TNFAIP2: variants seen among roughly 807,000 people sequenced by gnomAD.
TNFAIP2 encodes the protein TNF alpha induced protein 2, also known as tumor necrosis factor alpha-induced protein 2.
A neutral mutation model predicts 63.5 loss-of-function variants in TNFAIP2; 47 were observed. The observed-to-expected ratio is 0.74, with a 90% CI of 0.59 to 0.94. The LOEUF (loss-of-function observed/expected upper bound fraction) is 0.94. TNFAIP2 is among the 40% of genes least tolerant of loss of function. The pLI, the probability that TNFAIP2 is intolerant of heterozygous loss-of-function variation, is 0.00. For missense variants in TNFAIP2, 787 were observed against 850.2 expected, an observed-to-expected ratio of 0.93 and a Z score of 0.92; for synonymous variants, 405 against 390.2, an observed-to-expected ratio of 1.04 and a Z score of -0.45.
In TNFAIP2 at chr14:103,135,590, C is replaced by A; in HGVS notation, c.*230C>A. ...GGAGCTCCCATCCTGGGCAGCCAACCAGGCAACACCAAGGACTCTTTGTAA... is the reference window on the plus strand; with the variant it reads ...GGAGCTCCCATCCTGGGCAGCCAACAAGGCAACACCAAGGACTCTTTGTAA... On this transcript the variant is annotated 3_prime_UTR_variant, in exon 12 of 12. Transcript: ENST00000560869. The surrounding 1 kb of genome is among the most constrained non-coding windows in gnomAD (Gnocchi z 7.6). 7.1e-7 allele frequency: 1 copy of A among 1,406,546 alleles called. No homozygotes were observed. 87.1% of individuals were successfully genotyped at this position (1,406,546 alleles called of 1,614,324 possible).
At chr14:103,133,144 A>G (rs1201888972) in intron 9 of TNFAIP2, among the ~76,000 whole-genome samples, 1 of 16,514 alleles carries the variant, frequency 6.1e-5, no homozygotes, top group Admixed American at 4.6e-4. Context: ...GAGCATGTAA[A>G]CACACACATG....
chr14:103,130,326 G>T lies in TNFAIP2; in HGVS notation c.1110G>T (p.Gln370His). 1 of 1,560,836 alleles carries T rather than the reference G, an allele frequency of 6.4e-7. No homozygotes were observed. Residue 370 changes from glutamine to histidine, a missense_variant, in exon 6 of 12, where the codon CAG becomes CAT. Physicochemically the swap from Gln to His is conservative, Grantham distance 24 (BLOSUM62 0). Coordinates refer to ENST00000560869, the MANE Select transcript of TNFAIP2 (RefSeq NM_006291.4). ...LAIDIIQITS[Q>H]AQAKAESITL... ...CCACCACCCTGCAGATCACCTCCCA[G>T]GCCCAGGCCAAGGCCGAGAGCATCA...
chr14:103,127,382 C>A lies in TNFAIP2; in HGVS notation c.613C>A (p.Arg205=). ...AEAAEERMGQ[R]PAAGAEVPES... is the part of the protein sequence containing the mutation. Reference sequence around the variant, plus strand: ...GGCGGCCGAGGAGCGCATGGGCCAGCGGCCGGCCGCGGGCGCCGAGGTCCC... The same window carrying A: ...GGCGGCCGAGGAGCGCATGGGCCAGAGGCCGGCCGCGGGCGCCGAGGTCCC... The change falls in exon 3 of 12, where the codon CGG becomes AGG. Residue 205 remains arginine, a synonymous_variant. Coordinates refer to ENST00000560869, the MANE Select transcript of TNFAIP2 (RefSeq NM_006291.4). This position sits in a 1 kb window ranked among gnomAD's most constrained non-coding sequence, Gnocchi z 5.1. 6.6e-7 allele frequency: 1 copy of A among 1,525,118 alleles called. No homozygotes were observed. Among genetic ancestry groups the A allele is most frequent in the Non-Finnish European group, 8.8e-7 (1 of 1,141,710 alleles). The allele number at this position is 1,525,118 out of a possible 1,614,324, so 94.5% of individuals were successfully genotyped here. A position where few individuals can be genotyped will look rare whatever the true frequency, so the allele number is the denominator to read the frequency against.
chr14:103,123,451 G>A (rs1595271259), upstream of TNFAIP2: 1 of 151,934 alleles, frequency 6.6e-6, no homozygotes, highest in Admixed American at 6.5e-5. Flanking sequence ...TGCGGAACCC[G>A]GGCCAGGACA....
rs947344239 is a variant in TNFAIP2 at position 103,131,636 on chromosome 14, C to T, written c.1299-3C>T. 4 of 1,589,814 alleles carry T rather than the reference C, an allele frequency of 2.5e-6. No homozygotes were observed. Among genetic ancestry groups the T allele is most frequent in the Non-Finnish European group, 3.4e-6 (4 of 1,174,124 alleles). On this transcript the variant is annotated splice_region_variant and splice_polypyrimidine_tract_variant and intron_variant, in intron 7 of 11. Coordinates refer to ENST00000560869, the MANE Select transcript of TNFAIP2 (RefSeq NM_006291.4). This position sits in a 1 kb window ranked among gnomAD's most constrained non-coding sequence, Gnocchi z 4.0. ...GGGTGACCTCTCTGCCTCCACCTTCCAGGATGTCCATGGAGCAGAATTGGC... is the reference window on the plus strand; with the variant it reads ...GGGTGACCTCTCTGCCTCCACCTTCTAGGATGTCCATGGAGCAGAATTGGC...
upstream of TNFAIP2, among the ~76,000 whole-genome samples, chr14:103,121,768 C>T (rs976967765): frequency 3.3e-5 from 5 of 152,084 alleles, no homozygotes; most frequent in African/African-American, 1.2e-4. Context: ...CTGCAAAGCC[C>T]GTGGAGACCA....
Position 103,127,255 on chromosome 14 carries a change from G to A in TNFAIP2, c.486G>A (p.Glu162=), listed in dbSNP as rs1227893148. ...CGCTGGCCGTGGTGGCGGAGCAGGA[G>A]CGCGAGGACCGCCAGGCGGCGGCGG... ...RQALAVVAEQ[E]REDRQAAAAG... Residue 162 remains glutamate, a synonymous_variant, in exon 3 of 12, where the codon GAG becomes GAA. Transcript: ENST00000560869. This position sits in a 1 kb window ranked among gnomAD's most constrained non-coding sequence, Gnocchi z 5.1. 2.0e-6 allele frequency: 2 copies of A among 1,020,442 alleles called. No homozygotes were observed. The highest frequency in any genetic ancestry group is 1.7e-5 in the African/African-American group (1 of 57,146). The allele number at this position is 1,020,442 out of a possible 1,614,324, so 63.2% of individuals were successfully genotyped here.
intron 11 of TNFAIP2, among the ~76,000 whole-genome samples, chr14:103,134,984 A>G (rs1396469187): frequency 6.6e-6 from 1 of 152,188 alleles, no homozygotes; most frequent in East Asian, 1.9e-4. Context: ...CGGTCATCTC[A>G]GGGCCTGGGA....
upstream of TNFAIP2, chr14:103,122,682 T>C (rs1891156508): frequency 4.4e-6 from 2 of 456,038 alleles, no homozygotes; most frequent in South Asian, 1.5e-5. Flanking sequence ...GCCGGGTTGA[T>C]GATCCAGACG....
At chr14:103,133,832 T>C in intron 11 of TNFAIP2, 29 bp downstream of exon 11, 4 of 1,564,982 alleles carry the variant, frequency 2.6e-6, no homozygotes, top group Non-Finnish European at 3.4e-6. Flanking sequence ...TCAGGACCAC[T>C]GTCACATCAC....
intron 11 of TNFAIP2, 121 bp downstream of exon 11, chr14:103,133,924 C>G: frequency 7.8e-7 from 1 of 1,273,888 alleles, no homozygotes; most frequent in South Asian, 1.6e-5. Flanking sequence ...GTGAACCTCA[C>G]CAGGGGCTCA....
At position 103,130,006 on chromosome 14, in the gene TNFAIP2, A is replaced by T; in HGVS notation, c.980A>T (p.Asn327Ile). 1 of 1,611,916 alleles carries T rather than the reference A, an allele frequency of 6.2e-7. No homozygotes were observed. The highest frequency in any genetic ancestry group is 8.5e-7 in the Non-Finnish European group (1 of 1,179,842). ...EATFLSSEAANVRELMDRALE... is the reference protein window; with the variant it reads ...EATFLSSEAAIVRELMDRALE... ...GACCTGCCCCTCCTCCTCCAGGCCA[A>T]TGTGAGGGAGTTGATGGACCGAGCT... Residue 327 changes from asparagine (N) to isoleucine (I), a missense_variant, in exon 5 of 12, where the codon AAT becomes ATT. Transcript: ENST00000560869.
chr14:103,132,076 A>G (rs2087988515), intron 8 of TNFAIP2, among the ~76,000 whole-genome samples: 1 of 89,828 alleles, frequency 1.1e-5, no homozygotes, highest in African/African-American at 4.8e-5. Flanking sequence ...GGGCCTGGAA[A>G]AGTTTCACTG....
At chr14:103,130,755 C>T (rs1205656241) in intron 6 of TNFAIP2, among the ~76,000 whole-genome samples, 1 of 152,220 alleles carries the variant, frequency 6.6e-6, no homozygotes, top group African/African-American at 2.4e-5. Flanking sequence ...TCTCTCTGCT[C>T]TCTCCCTCTC....
chr14:103,129,908 G>C, intron 4 of TNFAIP2, 54 bp downstream of exon 4: 2 of 1,607,106 alleles, frequency 1.2e-6, no homozygotes, highest in Non-Finnish European at 1.7e-6. Flanking sequence ...GGAGAGGCTC[G>C]GAGACAGACA....
In TNFAIP2 at chr14:103,135,390, T is replaced by G; in HGVS notation, c.*30T>G. Reference sequence around the variant, plus strand: ...TCCTGTGGCCTGACCTGCCTGTGAGTGCCCAGCAAGCCTTGGGCACACCCC... The same window carrying G: ...TCCTGTGGCCTGACCTGCCTGTGAGGGCCCAGCAAGCCTTGGGCACACCCC... On this transcript the variant is annotated 3_prime_UTR_variant, in exon 12 of 12. Coordinates refer to ENST00000560869, the MANE Select transcript of TNFAIP2 (RefSeq NM_006291.4). This position sits in a 1 kb window ranked among gnomAD's most constrained non-coding sequence, Gnocchi z 7.6. 1 of 1,576,276 alleles carries G rather than the reference T, an allele frequency of 6.3e-7. No individual in the cohort carries two copies.
Position 103,127,483 on chromosome 14 carries a change from G to C in TNFAIP2, c.714G>C (p.Leu238=). 1 of 1,585,826 alleles carries C rather than the reference G, an allele frequency of 6.3e-7. No homozygotes were observed. The change falls in exon 3 of 12, where the codon CTG becomes CTC. Residue 238 remains leucine, a synonymous_variant. Coordinates refer to ENST00000560869, the MANE Select transcript of TNFAIP2 (RefSeq NM_006291.4). The surrounding 1 kb of genome is among the most constrained non-coding windows in gnomAD (Gnocchi z 5.1). ...CCGTGGTGGAGCGGCTGAAGCCGCT[G>C]TTCCCCGCCGAGTTCGGCGTCGTGG... ...LEAVVERLKP[L]FPAEFGVVAA...
intron 11 of TNFAIP2, among the ~76,000 whole-genome samples, chr14:103,134,870 T>C (rs987544935): frequency 1.3e-5 from 2 of 152,130 alleles, no homozygotes; most frequent in East Asian, 1.9e-4. Context: ...AAGTTGTAAA[T>C]AGGGTTTAAC....
At chr14:103,128,909 G>T (rs1428673144) in intron 3 of TNFAIP2, among the ~76,000 whole-genome samples, 1 of 152,276 alleles carries the variant, frequency 6.6e-6, no homozygotes, top group African/African-American at 2.4e-5. Context: ...TGGAGCCCTG[G>T]TGAGAGGGTG....
Sources: gnomAD v4.1 joint callset for allele counts (sites outside exome capture counted in the v4.1 genomes callset) on GRCh38, gnomAD v4.1.1 for gene constraint, Gnocchi (gnomAD v3.1) non-coding constraint, MANE v1.5 for transcripts, NCBI Gene and HGNC (gene_info 2026-07-23, HGNC 2026-07-21) for gene names.